Variants in GDAP1 observed in about 807,000 individuals in gnomAD.
The protein encoded by GDAP1 is ganglioside induced differentiation associated protein 1, also known as ganglioside-induced differentiation-associated protein 1.
GDAP1 carries 34 observed loss-of-function variants against 40.1 expected under a neutral mutation model. That is an observed-to-expected ratio of 0.85 (90% CI 0.64 to 1.13). The LOEUF is 1.13. Among genes scored for constraint, GDAP1 ranks in the 50% most tolerant of loss-of-function variants. The pLI is 0.00. For synonymous variants in GDAP1, 170 were observed against 157.4 expected (o/e 1.08, Z -0.60); for missense variants, 374 against 433.7 (o/e 0.86, Z 1.22).
In GDAP1 at chr8:74,396,620, C is replaced by T. The variant is rs1410412430; in HGVS notation, c.165+45299C>T. Among the ~76,000 whole-genome samples, 6 of 151,836 alleles carry T rather than the reference C, an allele frequency of 4.0e-5. No individual in the cohort carries two copies. In the East Asian group the frequency reaches 1.2e-3, roughly 29 times the overall value. On this transcript the variant is annotated intron_variant, in intron 2 of 2. Coordinates refer to the GDAP1 transcript ENST00000523640. The stretch of plus-strand genomic sequence containing the variant: ...AACATGTGGTGTTTGGTTTTTTGTC[C>T]TTGCGATAGTTTACTGAGAATGATG...
At chr8:74,351,552 CTCTT>C (rs1367529651) in intron 2 of GDAP1, 86 bp downstream of exon 2, 2 of 997,766 alleles carry the variant, frequency 2.0e-6, no homozygotes, top group East Asian at 2.4e-5. Flanking sequence ...TCTCCTCTCT[CTCTT>C]TCTCTTGTGT....
In GDAP1 at chr8:74,463,460, C is replaced by CA. The variant is rs11333344; in HGVS notation, c.166-25207dup. 9.3e-4 allele frequency among the ~76,000 whole-genome samples: 133 copies of CA among 143,596 alleles called. 1 individual carries two copies. The highest frequency in any genetic ancestry group is 1.9e-3 in the African/African-American group (71 of 38,354). The allele number at this position is 143,596 out of a possible 152,430, so 94.2% of individuals were successfully genotyped here. A position where few individuals can be genotyped will look rare whatever the true frequency, so the allele number is the denominator to read the frequency against. On this transcript the variant is annotated intron_variant, in intron 2 of 2. Coordinates refer to the GDAP1 transcript ENST00000523640. ...TGGGTGACAGAGCGAGACCCTGTCT[C>CA]AAAAAAAAAAACAAAAATAGTATTT...
intron 2 of GDAP1, among the ~76,000 whole-genome samples, chr8:74,475,490 T>C (rs1406115713): frequency 6.6e-6 from 1 of 152,216 alleles, no homozygotes; most frequent in Non-Finnish European, 1.5e-5. Context: ...GTATCTTTGT[T>C]CTCATTAGTT....
At chr8:74,377,486 G>A (rs994228092) in intron 2 of GDAP1, among the ~76,000 whole-genome samples, 1 of 152,146 alleles carries the variant, frequency 6.6e-6, no homozygotes, top group Non-Finnish European at 1.5e-5. Context: ...ATTGGATTCA[G>A]TTGGAAATCA....
At chr8:74,448,927 G>A (rs1806264842) in intron 2 of GDAP1, among the ~76,000 whole-genome samples, 1 of 152,016 alleles carries the variant, frequency 6.6e-6, no homozygotes, top group African/African-American at 2.4e-5. Flanking sequence ...ATTAAAAAGT[G>A]TTCAGTGCTA....
At chr8:74,398,693 G>C (rs927455579) in intron 2 of GDAP1, among the ~76,000 whole-genome samples, 2 of 152,098 alleles carry the variant, frequency 1.3e-5, no homozygotes, top group African/African-American at 2.4e-5. Context: ...GTTTGTCATA[G>C]ATAGCTCTTG....
chr8:74,429,474 A>T (rs1039697801), intron 2 of GDAP1, among the ~76,000 whole-genome samples: 1 of 152,184 alleles, frequency 6.6e-6, no homozygotes, highest in African/African-American at 2.4e-5. Context: ...AACAGCAGAT[A>T]TTTGTTTGCT....
At chr8:74,392,021 G>A (rs1810117883) in intron 2 of GDAP1, among the ~76,000 whole-genome samples, 2 of 152,134 alleles carry the variant, frequency 1.3e-5, no homozygotes, top group Admixed American at 1.3e-4. Context: ...GTTCCTCCAT[G>A]TTGGTCAGGC....
At chr8:74,379,056 G>A (rs955369166) in intron 2 of GDAP1, among the ~76,000 whole-genome samples, 2 of 150,914 alleles carry the variant, frequency 1.3e-5, no homozygotes, top group Non-Finnish European at 3.0e-5. Flanking sequence ...TTACAGGGAG[G>A]GTTTTTGTTG....
chr8:74,381,433 T>C (rs537651399), intron 2 of GDAP1, among the ~76,000 whole-genome samples: 2 of 152,146 alleles, frequency 1.3e-5, no homozygotes, highest in South Asian at 4.2e-4. Context: ...GATATGTATA[T>C]TATTATGTGT....
At chr8:74,426,192 T>C (rs1586831466) in intron 2 of GDAP1, among the ~76,000 whole-genome samples, 2 of 152,340 alleles carry the variant, frequency 1.3e-5, no homozygotes, top group East Asian at 3.9e-4. Flanking sequence ...GCAAACATAG[T>C]GCAAATGGTT....
chr8:74,362,174 T>G (rs1809400477), intron 4 of GDAP1, among the ~76,000 whole-genome samples, 196 bp downstream of exon 4: 1 of 152,206 alleles, frequency 6.6e-6, no homozygotes, highest in Non-Finnish European at 1.5e-5. Flanking sequence ...TGACAAGTGC[T>G]TAACAAGCAG....
intron 2 of GDAP1, among the ~76,000 whole-genome samples, chr8:74,411,684 C>A (rs1345882001): frequency 1.4e-5 from 2 of 146,410 alleles, no homozygotes; most frequent in African/African-American, 5.5e-5. Context: ...GAGTTTGAAA[C>A]CAGCCTGGGT....
chr8:74,421,371 GA>G (rs1163700890), intron 2 of GDAP1, among the ~76,000 whole-genome samples: 6 of 151,204 alleles, frequency 4.0e-5, no homozygotes, highest in Admixed American at 3.9e-4. Context: ...TTTCTGAACT[GA>G]AATTAAGCAA....
chr8:74,384,521 T>C (rs1489893684), intron 2 of GDAP1, among the ~76,000 whole-genome samples: 1 of 152,216 alleles, frequency 6.6e-6, no homozygotes, highest in Non-Finnish European at 1.5e-5. Context: ...ATTCAGTCTC[T>C]TGTTTCTAAT....
At position 74,350,405 on chromosome 8, in the gene GDAP1, G is replaced by A. The variant is rs1423594611; in HGVS notation, c.-57G>A. ...CCGGAAACGCCTTGCGGGGCAGTGT[G>A]GGAGGGAGAAGTCCAGGGCGGACAG... is the stretch of plus-strand genomic sequence containing the variant. On this transcript the variant is annotated 5_prime_UTR_variant, in exon 1 of 6. Coordinates refer to ENST00000220822, the MANE Select transcript of GDAP1 (RefSeq NM_018972.4). 1 of 1,095,790 alleles carries A rather than the reference G, an allele frequency of 9.1e-7. No homozygotes were observed. Among genetic ancestry groups the A allele is most frequent in the Non-Finnish European group, 1.4e-6 (1 of 715,142 alleles). 67.9% of individuals were successfully genotyped at this position (1,095,790 alleles called of 1,614,324 possible).
At chr8:74,352,861 T>C (rs1182151466) in intron 2 of GDAP1, among the ~76,000 whole-genome samples, 1 of 152,202 alleles carries the variant, frequency 6.6e-6, no homozygotes, top group African/African-American at 2.4e-5. Flanking sequence ...ATAATTGTGT[T>C]AATAAATCTA....
intron 4 of GDAP1, among the ~76,000 whole-genome samples, chr8:74,362,329 C>G (rs1180402143): frequency 6.6e-6 from 1 of 152,122 alleles, no homozygotes; most frequent in Non-Finnish European, 1.5e-5. Flanking sequence ...ACTTGCTTTG[C>G]CCCCTGAGGA....
chr8:74,389,970 C>T (rs762676199), intron 2 of GDAP1, among the ~76,000 whole-genome samples: 3 of 152,070 alleles, frequency 2.0e-5, no homozygotes, highest in South Asian at 2.1e-4. Flanking sequence ...TCTTTTCTTC[C>T]GCTAGATCAA....
Sources: allele counts gnomAD v4.1 joint callset (sites outside exome capture counted in the v4.1 genomes callset), GRCh38; gene constraint gnomAD v4.1.1; transcripts MANE v1.5; gene names NCBI Gene and HGNC (gene_info 2026-07-23, HGNC 2026-07-21).